MSANTD7: variants seen among roughly 807,000 people sequenced by gnomAD.
The protein encoded by MSANTD7 is zinc finger and SCAN domain containing 29.
At chr10:14,843,497 C>T in the MSANTD7 span, 12 of 1,550,560 alleles carry the variant, frequency 7.7e-6, no homozygotes, top group Admixed American at 1.8e-4. Context: ...TGCACCAGCA[C>T]CAACCGCAGC....
chr10:14,840,012 C>G, the MSANTD7 span: 9 of 1,549,486 alleles, frequency 5.8e-6, no homozygotes, highest in Admixed American at 1.4e-4. Flanking sequence ...TTTTGTACTT[C>G]TGAAATAATT....
chr10:14,842,910 G>T, the MSANTD7 span: 2 of 1,174,866 alleles, frequency 1.7e-6, no homozygotes, highest in South Asian at 3.1e-5. This position sits in a 1 kb window ranked among gnomAD's most constrained non-coding sequence, Gnocchi z 5.2. Context: ...ATTTAGCTGT[G>T]TCTGTTTGGA....
chr10:14,841,751 C>T, the MSANTD7 span, among the ~76,000 whole-genome samples: 1 of 152,172 alleles, frequency 6.6e-6, no homozygotes, highest in African/African-American at 2.4e-5. Context: ...AGATGGGTAA[C>T]ACAGAGCCAC....
At chr10:14,840,039 G>GT in the MSANTD7 span, 762 of 1,301,840 alleles carry the variant, frequency 5.9e-4, 5 homozygotes, top group Admixed American at 3.5e-4. Context: ...TACATACATT[G>GT]TAATATATAT....
the MSANTD7 span, chr10:14,844,270 T>C: frequency 1.8e-6 from 2 of 1,083,652 alleles, no homozygotes; most frequent in Non-Finnish European, 2.3e-6. Flanking sequence ...ACGTAGTTCA[T>C]AGATGTGAAA....
the MSANTD7 span, chr10:14,844,158 G>A: frequency 7.7e-7 from 1 of 1,291,640 alleles, no homozygotes; most frequent in Non-Finnish European, 9.9e-7. Flanking sequence ...CTTTGTCACA[G>A]ATGTGAAGCA....
At chr10:14,843,545 C>T in the MSANTD7 span, 7 of 1,550,492 alleles carry the variant, frequency 4.5e-6, no homozygotes, top group Admixed American at 2.0e-5. Flanking sequence ...ACTCCAGTCT[C>T]CTCTTCGAGA....
the MSANTD7 span, chr10:14,838,378 C>T: frequency 1.8e-5 from 28 of 1,590,276 alleles, no homozygotes; most frequent in South Asian, 1.8e-4. Flanking sequence ...CCCCTCATTC[C>T]TGCCGCTGCC....
the MSANTD7 span, chr10:14,838,497 G>T: frequency 1.9e-6 from 3 of 1,556,018 alleles, no homozygotes; most frequent in Admixed American, 5.6e-5. Context: ...CTTCATGACG[G>T]CCACCCGGTT....
chr10:14,838,485 G>T, the MSANTD7 span: 1 of 1,581,502 alleles, frequency 6.3e-7, no homozygotes, highest in Non-Finnish European at 8.6e-7. Context: ...GCTGGGCTAG[G>T]GCTTCATGAC....
the MSANTD7 span, chr10:14,838,365 G>C: frequency 6.4e-7 from 1 of 1,573,416 alleles, no homozygotes; most frequent in Non-Finnish European, 8.6e-7. Flanking sequence ...GCTGTTGGGG[G>C]ACCCCCTCAT....
the MSANTD7 span, chr10:14,846,892 C>T: frequency 1.0e-6 from 1 of 985,430 alleles, no homozygotes; most frequent in Non-Finnish European, 1.2e-6. Context: ...TAACTGCCTC[C>T]TCAAGTCCAT....
At chr10:14,839,755 G>T in the MSANTD7 span, 1 of 451,150 alleles carries the variant, frequency 2.2e-6, no homozygotes, top group East Asian at 3.6e-5. Flanking sequence ...CTATGAAAAC[G>T]AGGAAATTAA....
the MSANTD7 span, chr10:14,840,072 C>A: frequency 7.8e-7 from 1 of 1,281,840 alleles, no homozygotes; most frequent in Non-Finnish European, 1.0e-6. Flanking sequence ...TTTTTTTTTT[C>A]AGATTGTTGG....
At chr10:14,838,367 C>T in the MSANTD7 span, 6 of 1,576,138 alleles carry the variant, frequency 3.8e-6, no homozygotes, top group African/African-American at 1.3e-5. Flanking sequence ...TGTTGGGGGA[C>T]CCCCTCATTC....
the MSANTD7 span, chr10:14,843,799 A>G: frequency 6.5e-7 from 1 of 1,536,382 alleles, no homozygotes; most frequent in East Asian, 2.4e-5. Flanking sequence ...CATCGCAGTC[A>G]GACGTTTGGC....
the MSANTD7 span, chr10:14,838,724 G>T: frequency 2.1e-6 from 1 of 476,870 alleles, no homozygotes; most frequent in Non-Finnish European, 3.7e-6. Context: ...GGGATGCCCG[G>T]AGGGGTCCCA....
chr10:14,846,275 GGA>G, the MSANTD7 span: 5 of 985,360 alleles, frequency 5.1e-6, no homozygotes, highest in Non-Finnish European at 6.0e-6. Context: ...AGTACTTGAC[GGA>G]GAGTTAGGCC....
At chr10:14,843,673 C>T in the MSANTD7 span, 14 of 1,546,318 alleles carry the variant, frequency 9.1e-6, no homozygotes, top group Non-Finnish European at 1.1e-5. Flanking sequence ...AGAAAACAGG[C>T]GATTGGCACG....
Sources: allele counts gnomAD v4.1 joint callset (sites outside exome capture counted in the v4.1 genomes callset), GRCh38; gene constraint gnomAD v4.1.1; non-coding constraint Gnocchi (gnomAD v3.1); transcripts MANE v1.5; gene names NCBI Gene and HGNC (gene_info 2026-07-23, HGNC 2026-07-21).